LRP6: variants seen among roughly 807,000 people sequenced by gnomAD.
LRP6 encodes LDL receptor related protein 6.
In LRP6, 43 loss-of-function variants were observed where a neutral mutation model predicts 184.1. The observed-to-expected ratio is 0.23, with a 90% CI of 0.18 to 0.30. The LOEUF is 0.30. Ranked by LOEUF, LRP6 falls within the 10% of genes least tolerant of loss-of-function variation. The pLI, the probability that LRP6 is intolerant of heterozygous loss-of-function variation, is 1.00. For synonymous variants in LRP6, 719 were observed against 684.9 expected (o/e 1.05, Z -0.78); for missense variants, 1,571 against 2,005.3 (o/e 0.78, Z 4.14).
chr12:12,124,560 AT>A lies in LRP6; in HGVS notation c.4547+4del. On this transcript the variant is annotated splice_donor_region_variant and intron_variant, in intron 22 of 22. Coordinates refer to ENST00000261349, the MANE Select transcript of LRP6 (RefSeq NM_002336.3). ...CACCTTATTTTAGAGAAGGATGTGT[AT>A]TACCTGTATGACCTATGAGTGGAAG... 6.3e-7 allele frequency: 1 copy of A among 1,582,612 alleles called. No homozygotes were observed. The highest frequency in any genetic ancestry group is 1.3e-5 in the African/African-American group (1 of 74,390).
chr12:12,243,040 C>G (rs1010994506), intron 2 of LRP6, among the ~76,000 whole-genome samples: 1 of 152,050 alleles, frequency 6.6e-6, no homozygotes, highest in Non-Finnish European at 1.5e-5. Context: ...CTAAAGAAAA[C>G]AAAGTATTAA....
rs1865791068 is a variant in LRP6 at position 12,266,993 on chromosome 12, C to T, written c.-258G>A. 5 of 528,034 alleles carry T rather than the reference C, an allele frequency of 9.5e-6. No homozygotes were observed. The highest frequency in any genetic ancestry group is 9.4e-5 in the South Asian group (4 of 42,454). The allele number at this position is 528,034 out of a possible 1,614,324, so 32.7% of individuals were successfully genotyped here. ...GCCTCCTCCCCCGGCGCCCCGCTTCCCCCGCGCAGCTCCTCATTCAGCCTC... is the reference window on the plus strand; with the variant it reads ...GCCTCCTCCCCCGGCGCCCCGCTTCTCCCGCGCAGCTCCTCATTCAGCCTC... On this transcript the variant is annotated 5_prime_UTR_variant, in exon 1 of 23. Coordinates refer to ENST00000261349, the MANE Select transcript of LRP6 (RefSeq NM_002336.3).
intron 15 of LRP6, among the ~76,000 whole-genome samples, chr12:12,145,775 G>A (rs1949999056): frequency 1.3e-5 from 2 of 151,692 alleles, no homozygotes; most frequent in South Asian, 4.2e-4. Context: ...GAGATTACAG[G>A]TGCCCACCAC....
At chr12:12,154,183 T>C (rs1034381471) in intron 12 of LRP6, among the ~76,000 whole-genome samples, 3 of 152,232 alleles carry the variant, frequency 2.0e-5, no homozygotes, top group Admixed American at 6.5e-5. Flanking sequence ...ACTAGCTTCC[T>C]AGGTGTTCCT....
intron 7 of LRP6, among the ~76,000 whole-genome samples, chr12:12,175,162 G>A (rs1273077767): frequency 6.6e-6 from 1 of 152,206 alleles, no homozygotes; most frequent in Non-Finnish European, 1.5e-5. Context: ...GCCGAGGTGG[G>A]TGGATCATTT....
intron 2 of LRP6, among the ~76,000 whole-genome samples, chr12:12,206,698 A>C (rs2137050953): frequency 6.6e-6 from 1 of 152,240 alleles, no homozygotes; most frequent in South Asian, 2.1e-4. Context: ...GTCTGAGTCC[A>C]GGAGTTCAAG....
In LRP6 at chr12:12,157,191, T is replaced by C. The variant is rs1247136985; in HGVS notation, c.2791+1638A>G. ...CAACCTCATGTCTCTTCTCCGATGA[T>C]AGTCCATCATCTATGACACATAATC... On this transcript the variant is annotated intron_variant, in intron 12 of 22. Transcript: ENST00000261349. Among the ~76,000 whole-genome samples the C allele has an allele frequency of 2.6e-5, 4 of 152,198 alleles. No homozygotes were observed. The East Asian group carries it at 5.8e-4, about 22-fold the overall frequency.
intron 19 of LRP6, among the ~76,000 whole-genome samples, chr12:12,127,966 G>A (rs1949696554): frequency 6.6e-6 from 1 of 152,118 alleles, no homozygotes; most frequent in Non-Finnish European, 1.5e-5. Context: ...CTTAGTCCTT[G>A]AGAACAACCG....
chr12:12,172,180 C>CCCT (rs1863064934), intron 7 of LRP6, among the ~76,000 whole-genome samples: 1 of 152,174 alleles, frequency 6.6e-6, no homozygotes, highest in Non-Finnish European at 1.5e-5. Flanking sequence ...AAATCTAACT[C>CCCT]CAAATCTGAA....
At position 12,131,852 on chromosome 12, in the gene LRP6, G is replaced by A. The variant is rs1399070769; in HGVS notation, c.3939C>T (p.Cys1313=). The change falls in exon 18 of 23, where the codon TGC becomes TGT. Residue 1313 remains cysteine, a synonymous_variant. Coordinates refer to ENST00000261349, the MANE Select transcript of LRP6 (RefSeq NM_002336.3). The stretch of plus-strand genomic sequence containing the variant: ...AGTTCTTCTCATCTGATTTGTCCTG[G>A]CAGTTTGCATCTCCATTGCATCGGA... ...GALRCNGDAN[C]QDKSDEKNCE... is the part of the protein sequence containing the mutation. The A allele has an allele frequency of 6.2e-7, 1 of 1,614,138 alleles. No individual in the cohort carries two copies. The highest frequency in any genetic ancestry group is 1.1e-5 in the South Asian group (1 of 91,080).
In LRP6 at chr12:12,120,038, TATATAA is replaced by T. The variant is rs1309613426; in HGVS notation, c.*1082_*1087del. 7.8e-5 allele frequency: 9 copies of T among 114,764 alleles called. No individual in the cohort carries two copies. Among genetic ancestry groups the T allele is most frequent in the South Asian group, 2.8e-4 (1 of 3,524 alleles). The allele number at this position is 114,764 out of a possible 1,614,324, so 7.1% of individuals were successfully genotyped here. A position where few individuals can be genotyped will look rare whatever the true frequency, so the allele number is the denominator to read the frequency against. On this transcript the variant is annotated 3_prime_UTR_variant, in exon 23 of 23. Transcript: ENST00000261349. ...ATATATATATATATATATATATATA[TATATAA>T]ATGATTTCGTACTGTGATATATGCT...
At chr12:12,239,906 A>G (rs1248571356) in intron 2 of LRP6, among the ~76,000 whole-genome samples, 4 of 152,112 alleles carry the variant, frequency 2.6e-5, no homozygotes, top group Non-Finnish European at 5.9e-5. Context: ...AAAAAAGTAG[A>G]CAATACAATT....
At chr12:12,191,047 T>C (rs983324100) in intron 3 of LRP6, among the ~76,000 whole-genome samples, 2 of 152,058 alleles carry the variant, frequency 1.3e-5, no homozygotes, top group Non-Finnish European at 2.9e-5. Context: ...AAAGAAACAA[T>C]AGGACATCTG....
At chr12:12,200,144 G>A (rs1283077318) in intron 3 of LRP6, among the ~76,000 whole-genome samples, 1 of 152,158 alleles carries the variant, frequency 6.6e-6, no homozygotes, top group African/African-American at 2.4e-5. Flanking sequence ...AACTTGCAGA[G>A]TAGCTGGGTG....
chr12:12,178,005 T>C (rs921612147), intron 7 of LRP6, among the ~76,000 whole-genome samples: 1 of 152,088 alleles, frequency 6.6e-6, no homozygotes, highest in African/African-American at 2.4e-5. Flanking sequence ...ATGACACCAC[T>C]GTATGTATGT....
chr12:12,244,481 C>A lies in LRP6; in HGVS notation c.230G>T (p.Arg77Leu). The change falls in exon 2 of 23, where the codon CGA becomes CTA. Residue 77 changes from arginine to leucine, a missense_variant. Transcript: ENST00000261349. Reference sequence around the variant, plus strand: ...ACTCTCAGTTTTGTTAAATTCTGTTCGTTTAATGGCTTCTTCGCTGACATC... The same window carrying A: ...ACTCTCAGTTTTGTTAAATTCTGTTAGTTTAATGGCTTCTTCGCTGACATC... ...WSDVSEEAIK[R>L]TEFNKTESVQ... The A allele has an allele frequency of 6.2e-7, 1 of 1,614,168 alleles. No individual in the cohort carries two copies. Among genetic ancestry groups the A allele is most frequent in the South Asian group, 1.1e-5 (1 of 91,068 alleles).
intron 2 of LRP6, among the ~76,000 whole-genome samples, chr12:12,204,852 A>G (rs1201190643): frequency 6.6e-6 from 1 of 151,316 alleles, no homozygotes; most frequent in East Asian, 1.9e-4. Context: ...CTGTTATCCC[A>G]GCTACTCGGG....
intron 2 of LRP6, among the ~76,000 whole-genome samples, chr12:12,204,605 G>C (rs192585992): frequency 2.0e-5 from 3 of 151,936 alleles, no homozygotes; most frequent in Non-Finnish European, 4.4e-5. Context: ...TACAGAAAAA[G>C]AAATTTTTCT....
intron 22 of LRP6, among the ~76,000 whole-genome samples, chr12:12,122,716 C>T (rs1949621465): frequency 6.6e-6 from 1 of 152,044 alleles, no homozygotes; most frequent in Non-Finnish European, 1.5e-5. Context: ...CCTGTAGTCC[C>T]AGCTACTTGG....
Sources: gnomAD v4.1 joint callset for allele counts (sites outside exome capture counted in the v4.1 genomes callset) on GRCh38, gnomAD v4.1.1 for gene constraint, MANE v1.5 for transcripts, NCBI Gene and HGNC (gene_info 2026-07-23, HGNC 2026-07-21) for gene names.